Variants in SLIT1 observed in about 807,000 individuals in gnomAD.
SLIT1 encodes the protein slit guidance ligand 1.
A neutral mutation model predicts 186.1 loss-of-function variants in SLIT1; 66 were observed. The ratio of observed to expected loss-of-function variants is 0.35; its 90% confidence interval spans 0.29 to 0.44. The LOEUF (loss-of-function observed/expected upper bound fraction) is 0.44, where lower values mean the gene tolerates loss of function less well. SLIT1 is among the 20% of genes least tolerant of loss of function. The pLI is 1.00. For synonymous variants in SLIT1, 761 were observed against 833.8 expected (o/e 0.91, Z 1.50); for missense variants, 1,638 against 2,037.4 (o/e 0.80, Z 3.77).
At position 97,022,870 on chromosome 10, in the gene SLIT1, G is replaced by A. The variant is rs1356395587; in HGVS notation, c.2583-1457C>T. 6.6e-6 allele frequency among the ~76,000 whole-genome samples: 1 copy of A among 152,224 alleles called. No homozygotes were observed. The highest frequency in any genetic ancestry group is 1.5e-5 in the Non-Finnish European group (1 of 68,044). On this transcript the variant is annotated intron_variant, in intron 25 of 36. Transcript: ENST00000266058. The surrounding 1 kb of genome is among the most constrained non-coding windows in gnomAD (Gnocchi z 4.2). ...TTACAAATCACATCACTACTGAGCA[G>A]CTTGCTCCTTGTCACTAAACAGCAC...
intron 21 of SLIT1, 48 bp from the exon 22 acceptor site, chr10:97,037,814 G>C (rs757472384): frequency 2.4e-4 from 358 of 1,523,240 alleles, no homozygotes; most frequent in Non-Finnish European, 2.6e-4. Flanking sequence ...ACCTCTGGTG[G>C]TGCCCCATGC....
chr10:97,021,499 AG>A lies in SLIT1; in HGVS notation c.2583-87del. 8.0e-7 allele frequency: 1 copy of A among 1,256,498 alleles called. No individual in the cohort carries two copies. Among genetic ancestry groups the A allele is most frequent in the Non-Finnish European group, 1.1e-6 (1 of 908,660 alleles). The allele number at this position is 1,256,498 out of a possible 1,614,324, so 77.8% of individuals were successfully genotyped here. ...AACCTAGAGTCCCAGGCACTGCACCAGGGGCTGGCAAAAATCTTAGCCTCCA... is the reference window on the plus strand; with the variant it reads ...AACCTAGAGTCCCAGGCACTGCACCAGGGCTGGCAAAAATCTTAGCCTCCA... On this transcript the variant is annotated intron_variant, in intron 25 of 36. Transcript: ENST00000266058. The surrounding 1 kb of genome is among the most constrained non-coding windows in gnomAD (Gnocchi z 4.5).
chr10:97,105,990 T>C (rs1849410248), intron 4 of SLIT1, among the ~76,000 whole-genome samples: 1 of 152,216 alleles, frequency 6.6e-6, no homozygotes, highest in East Asian at 1.9e-4. Context: ...ATGGTACCCA[T>C]GGTGGGCATC....
At chr10:97,026,701 G>T (rs1224046022) in intron 25 of SLIT1, among the ~76,000 whole-genome samples, 3 of 152,124 alleles carry the variant, frequency 2.0e-5, no homozygotes, top group African/African-American at 7.2e-5. Flanking sequence ...CCCTAGCCTG[G>T]GACCTGGTGC....
intron 22 of SLIT1, 131 bp downstream of exon 22, chr10:97,037,567 G>A (rs1373574529): frequency 1.2e-5 from 8 of 690,576 alleles, no homozygotes; most frequent in South Asian, 1.9e-5. Context: ...GCTGTTCCCA[G>A]AGGGGAGCAG....
At chr10:97,055,371 GT>G (rs990448277) in intron 13 of SLIT1, among the ~76,000 whole-genome samples, 1 of 151,086 alleles carries the variant, frequency 6.6e-6, no homozygotes, top group African/African-American at 2.4e-5. Context: ...ATAGCACTCT[GT>G]TTTTTTTTGA....
chr10:97,062,411 G>T (rs753309694), intron 8 of SLIT1, among the ~76,000 whole-genome samples: 1 of 152,236 alleles, frequency 6.6e-6, no homozygotes, highest in Admixed American at 6.5e-5. Context: ...CCAGTCCACG[G>T]GTTTGGGAGA....
At chr10:97,060,303 T>A in intron 9 of SLIT1, 145 bp from the exon 10 acceptor site, 4 of 722,600 alleles carry the variant, frequency 5.5e-6, no homozygotes. Flanking sequence ...AAGTCTGGGG[T>A]AAGGACGCCG....
chr10:97,038,062 T>C (rs1421365697), intron 21 of SLIT1, among the ~76,000 whole-genome samples: 2 of 152,088 alleles, frequency 1.3e-5, no homozygotes, highest in African/African-American at 4.8e-5. Flanking sequence ...GGACACTCCC[T>C]GGGCCCCTGC....
intron 4 of SLIT1, among the ~76,000 whole-genome samples, chr10:97,099,267 G>A (rs898052807): frequency 5.1e-4 from 77 of 152,288 alleles, no homozygotes; most frequent in African/African-American, 1.9e-3. Context: ...TGAAGTCACA[G>A]GAGGGCCTGA....
At chr10:97,162,273 T>C (rs564579138) in intron 3 of SLIT1, among the ~76,000 whole-genome samples, 2 of 152,360 alleles carry the variant, frequency 1.3e-5, no homozygotes, top group African/African-American at 4.8e-5. Context: ...ATTTTATTTC[T>C]TATGTATCCA....
chr10:97,105,850 G>GCC (rs1223291902), intron 4 of SLIT1, among the ~76,000 whole-genome samples: 2 of 152,310 alleles, frequency 1.3e-5, no homozygotes, highest in Admixed American at 1.3e-4. Flanking sequence ...AAATTGACCA[G>GCC]CCAGAAAGAC....
At chr10:97,136,467 T>C (rs946526140) in intron 4 of SLIT1, among the ~76,000 whole-genome samples, 9 of 152,152 alleles carry the variant, frequency 5.9e-5, no homozygotes, top group African/African-American at 2.2e-4. Flanking sequence ...TTGTAAATTG[T>C]GTCATAGTAA....
At position 97,019,120 on chromosome 10, in the gene SLIT1, G is replaced by A. The variant is rs775046293; in HGVS notation, c.2747-13C>T. On this transcript the variant is annotated splice_polypyrimidine_tract_variant and intron_variant, in intron 26 of 36. Coordinates refer to ENST00000266058, the MANE Select transcript of SLIT1 (RefSeq NM_003061.3). ...AGCGTTGGAGGACCTGCAGCAAGGG[G>A]AGGGTGCTAGTGCAGGGGGAGGGGT... 9 of 1,546,848 alleles carry A rather than the reference G, an allele frequency of 5.8e-6. No individual in the cohort carries two copies. Among genetic ancestry groups the A allele is most frequent in the African/African-American group, 1.4e-5 (1 of 73,606 alleles).
At chr10:97,173,494 CT>C (rs71007318) in intron 1 of SLIT1, among the ~76,000 whole-genome samples, 1,364 of 128,162 alleles carry the variant, frequency 0.011, 17 homozygotes, top group Middle Eastern at 0.021. Flanking sequence ...CAGCTCCATC[CT>C]TTTTTTTTTT....
chr10:97,119,911 G>C (rs1256097909), intron 4 of SLIT1, among the ~76,000 whole-genome samples: 1 of 19,792 alleles, frequency 5.1e-5, no homozygotes, highest in East Asian at 1.2e-3. Context: ...TTTTCCAAAG[G>C]GGTATATATA....
In SLIT1 at chr10:97,185,860, G is replaced by A. The variant is rs1273674151; in HGVS notation, c.-186C>T. On this transcript the variant is annotated 5_prime_UTR_variant, in exon 1 of 37. Coordinates refer to ENST00000266058, the MANE Select transcript of SLIT1 (RefSeq NM_003061.3). ...GCGACGGCGCCTGTGCGCGGACGGA[G>A]GGAGGGCGCCTTGGGCGGAGGGGGC... 1.9e-6 allele frequency: 1 copy of A among 523,070 alleles called. No individual in the cohort carries two copies. The highest frequency in any genetic ancestry group is 3.2e-6 in the Non-Finnish European group (1 of 309,038). The allele number at this position is 523,070 out of a possible 1,614,324, so 32.4% of individuals were successfully genotyped here.
intron 4 of SLIT1, among the ~76,000 whole-genome samples, chr10:97,137,792 C>A (rs1849717196): frequency 1.3e-5 from 2 of 152,098 alleles, no homozygotes; most frequent in South Asian, 4.2e-4. Flanking sequence ...TGTCATGTTG[C>A]CCAGGCTGGT....
chr10:97,097,667 C>T (rs995242241), intron 4 of SLIT1, among the ~76,000 whole-genome samples: 23 of 152,194 alleles, frequency 1.5e-4, no homozygotes, highest in African/African-American at 5.6e-4. Context: ...AAGGAGCCCC[C>T]TCCAGGAAGT....
Sources: gnomAD v4.1 joint callset for allele counts (sites outside exome capture counted in the v4.1 genomes callset) on GRCh38, gnomAD v4.1.1 for gene constraint, Gnocchi (gnomAD v3.1) non-coding constraint, MANE v1.5 for transcripts, NCBI Gene and HGNC (gene_info 2026-07-23, HGNC 2026-07-21) for gene names.